Variants in PPM1E observed in about 807,000 individuals in gnomAD.
PPM1E encodes the protein protein phosphatase 1E.
A neutral mutation model predicts 65.9 loss-of-function variants in PPM1E; 20 were observed. That is an observed-to-expected ratio of 0.30 (90% confidence interval 0.21 to 0.44). The LOEUF is 0.44. Ranked by LOEUF, PPM1E falls within the 20% of genes least tolerant of loss-of-function variation. The pLI, the probability that PPM1E is intolerant of heterozygous loss-of-function variation, is 1.00. For missense variants in PPM1E, 713 were observed against 953.1 expected, an observed-to-expected ratio of 0.75 and a Z score of 3.32; for synonymous variants, 352 against 374.9, an observed-to-expected ratio of 0.94 and a Z score of 0.70.
chr17:58,811,861 G>C (rs2050371679), intron 1 of PPM1E, among the ~76,000 whole-genome samples: 2 of 151,962 alleles, frequency 1.3e-5, no homozygotes, highest in Non-Finnish European at 2.9e-5. Context: ...AGTAGAGACA[G>C]GGTTTCACCA....
At chr17:58,799,948 A>G (rs1239298506) in intron 1 of PPM1E, among the ~76,000 whole-genome samples, 1 of 152,220 alleles carries the variant, frequency 6.6e-6, no homozygotes, top group African/African-American at 2.4e-5. Flanking sequence ...CTTGGATTTT[A>G]TAGATCTTTT....
chr17:58,779,331 C>T (rs1333405111), intron 1 of PPM1E, among the ~76,000 whole-genome samples: 1 of 151,732 alleles, frequency 6.6e-6, no homozygotes, highest in African/African-American at 2.4e-5. Context: ...ACCACCACAC[C>T]CAGCTAGTTT....
chr17:58,768,404 G>A (rs955256678), intron 1 of PPM1E, among the ~76,000 whole-genome samples: 11 of 152,114 alleles, frequency 7.2e-5, no homozygotes, highest in South Asian at 6.2e-4. Flanking sequence ...CTAAAGATAC[G>A]TTATTTCCTG....
intron 1 of PPM1E, among the ~76,000 whole-genome samples, chr17:58,914,912 T>A (rs753393043): frequency 2.6e-5 from 4 of 152,170 alleles, no homozygotes; most frequent in Non-Finnish European, 5.9e-5. Flanking sequence ...TACCCAGGAT[T>A]GTTATTTTCA....
At chr17:58,965,450 G>T (rs962681100) in intron 2 of PPM1E, among the ~76,000 whole-genome samples, 1 of 152,098 alleles carries the variant, frequency 6.6e-6, no homozygotes, top group Non-Finnish European at 1.5e-5. Flanking sequence ...GTCCAGCCCT[G>T]GCCAAAGGTT....
Position 58,884,640 on chromosome 17 carries a change from A to G in PPM1E, c.465-71009A>G, listed in dbSNP as rs9912272. 9.3e-4 allele frequency among the ~76,000 whole-genome samples: 141 copies of G among 152,276 alleles called. 1 individual carries two copies. The highest frequency in any genetic ancestry group is 3.3e-3 in the African/African-American group (138 of 41,550). On this transcript the variant is annotated intron_variant, in intron 1 of 6. Transcript: ENST00000308249. Reference sequence around the variant, plus strand: ...TGATAGAGAGACTGCAGTACATAGTAGTTGAGAGTGTGAGTTATAGCACCA... The same window carrying G: ...TGATAGAGAGACTGCAGTACATAGTGGTTGAGAGTGTGAGTTATAGCACCA...
chr17:58,812,831 T>C (rs2050382106), intron 1 of PPM1E, among the ~76,000 whole-genome samples: 1 of 152,154 alleles, frequency 6.6e-6, no homozygotes, highest in African/African-American at 2.4e-5. Flanking sequence ...CCTCCCAAAG[T>C]GCTGGGATTA....
At chr17:58,859,541 G>A (rs1035317193) in intron 1 of PPM1E, among the ~76,000 whole-genome samples, 1 of 152,204 alleles carries the variant, frequency 6.6e-6, no homozygotes, top group Non-Finnish European at 1.5e-5. Flanking sequence ...CCATGGCAAG[G>A]AGAATTTGTC....
At position 58,759,418 on chromosome 17, in the gene PPM1E, A is replaced by G. The variant is rs2049801763; in HGVS notation, c.464+2957A>G. Among the ~76,000 whole-genome samples, 3 of 152,246 alleles carry G rather than the reference A, an allele frequency of 2.0e-5. No individual in the cohort carries two copies. The South Asian group carries it at 6.2e-4, about 31-fold the overall frequency. ...TTATAACTGAGATAATTTGTAAATAAGGGTATAACTGATCTTACAGGAGAT... is the reference window on the plus strand; with the variant it reads ...TTATAACTGAGATAATTTGTAAATAGGGGTATAACTGATCTTACAGGAGAT... On this transcript the variant is annotated intron_variant, in intron 1 of 6. Transcript: ENST00000308249.
chr17:58,788,067 C>G (rs949676531), intron 1 of PPM1E, among the ~76,000 whole-genome samples: 1 of 151,712 alleles, frequency 6.6e-6, no homozygotes, highest in South Asian at 2.1e-4. Flanking sequence ...TTCTTCTTCC[C>G]TGAGATGGAG....
intron 1 of PPM1E, among the ~76,000 whole-genome samples, chr17:58,824,306 A>G (rs1322884981): frequency 6.6e-6 from 1 of 152,180 alleles, no homozygotes; most frequent in Non-Finnish European, 1.5e-5. Context: ...TAAATAATCT[A>G]TTGAACCAAT....
At chr17:58,932,532 C>T (rs755828879) in intron 1 of PPM1E, among the ~76,000 whole-genome samples, 6 of 152,088 alleles carry the variant, frequency 3.9e-5, no homozygotes, top group Non-Finnish European at 7.3e-5. Flanking sequence ...AATTTATTAA[C>T]ATAAATTATA....
chr17:58,828,218 T>C (rs1362541505), intron 1 of PPM1E, among the ~76,000 whole-genome samples: 1 of 151,168 alleles, frequency 6.6e-6, no homozygotes, highest in Non-Finnish European at 1.5e-5. Context: ...CAATCTCAAA[T>C]AGTAATAATA....
At chr17:58,896,376 G>T (rs2051416942) in intron 1 of PPM1E, among the ~76,000 whole-genome samples, 1 of 152,038 alleles carries the variant, frequency 6.6e-6, no homozygotes, top group Admixed American at 6.6e-5. Flanking sequence ...CCTGAGGTCA[G>T]GAGTTCAAGA....
chr17:58,852,245 CACCCT>C (rs2050834135), intron 1 of PPM1E, among the ~76,000 whole-genome samples: 1 of 152,138 alleles, frequency 6.6e-6, no homozygotes, highest in East Asian at 1.9e-4. Flanking sequence ...AGCACTGCCC[CACCCT>C]GCTCCGTGGG....
intron 1 of PPM1E, among the ~76,000 whole-genome samples, chr17:58,818,250 T>C (rs770778628): frequency 6.6e-6 from 1 of 152,164 alleles, no homozygotes; most frequent in Admixed American, 6.5e-5. Flanking sequence ...GGAGCTCTCA[T>C]TGTCTTTATT....
rs1446154074 is a variant in PPM1E, at chr17:58,829,847, C to T, written c.464+73386C>T. Among the ~76,000 whole-genome samples, 9 of 152,152 alleles carry T rather than the reference C, an allele frequency of 5.9e-5. No homozygotes were observed. The East Asian group carries it at 1.7e-3, about 29-fold the overall frequency. On this transcript the variant is annotated intron_variant, in intron 1 of 6. Transcript: ENST00000308249. ...TTTGTTAACCTGAAATATCTTTATTCCACTCCTCCACTTGATTGTTAGCCT... is the reference window on the plus strand; with the variant it reads ...TTTGTTAACCTGAAATATCTTTATTTCACTCCTCCACTTGATTGTTAGCCT...
chr17:58,934,730 C>A (rs1170125983), intron 1 of PPM1E, among the ~76,000 whole-genome samples: 1 of 152,062 alleles, frequency 6.6e-6, no homozygotes, highest in African/African-American at 2.4e-5. Flanking sequence ...AGTTTGAGAC[C>A]AGCCTGGCCA....
At chr17:58,926,753 A>G (rs982901855) in intron 1 of PPM1E, among the ~76,000 whole-genome samples, 2 of 152,188 alleles carry the variant, frequency 1.3e-5, no homozygotes, top group Non-Finnish European at 2.9e-5. Flanking sequence ...GTGTAATATA[A>G]CAAAACCAAT....
Sources: allele counts gnomAD v4.1 joint callset (sites outside exome capture counted in the v4.1 genomes callset), GRCh38; gene constraint gnomAD v4.1.1; transcripts MANE v1.5; gene names NCBI Gene and HGNC (gene_info 2026-07-23, HGNC 2026-07-21).